The following OSER1 variants were observed in gnomAD, a reference collection of about 807,000 sequenced individuals.
OSER1 encodes the protein oxidative stress-responsive serine-rich protein 1.
OSER1 carries 15 observed loss-of-function variants against 26.3 expected under a neutral mutation model. The ratio of observed to expected loss-of-function variants is 0.57; its 90% CI spans 0.38 to 0.88. The LOEUF (loss-of-function observed/expected upper bound fraction) is 0.88. OSER1 is among the 40% of genes least tolerant of loss of function. The pLI, the probability that OSER1 is intolerant of heterozygous loss-of-function variation, is 0.00. For missense variants in OSER1, 313 were observed against 353.9 expected (o/e 0.88, Z 0.93); for synonymous variants, 127 against 128.2 (o/e 0.99, Z 0.07).
rs200126867 is a variant in OSER1, at chr20:44,202,382, AG to A, written c.191+578del. Among the ~76,000 whole-genome samples the A allele has an allele frequency of 1.4e-4, 22 of 152,200 alleles. No individual in the cohort carries two copies. The East Asian group carries it at 2.9e-3, about 20-fold the overall frequency. ...AGAGCAAGAACAAGATTCCATCTTAAGAAAAAAAAAAGAATAGAAAAAGACA... is the reference window on the plus strand; with the variant it reads ...AGAGCAAGAACAAGATTCCATCTTAAAAAAAAAAAAGAATAGAAAAAGACA... On this transcript the variant is annotated intron_variant, in intron 3 of 3. Transcript: ENST00000255174.
intron 2 of OSER1, among the ~76,000 whole-genome samples, chr20:44,205,254 T>C (rs997802099): frequency 6.6e-6 from 1 of 152,246 alleles, no homozygotes; most frequent in Non-Finnish European, 1.5e-5. Flanking sequence ...TACACATTCC[T>C]AGTATTTTCC....
At chr20:44,202,785 T>C (rs1378207414) in intron 3 of OSER1, among the ~76,000 whole-genome samples, 176 bp downstream of exon 3, 1 of 152,164 alleles carries the variant, frequency 6.6e-6, no homozygotes, top group Non-Finnish European at 1.5e-5. Context: ...AAATTGACTA[T>C]GGACCAGGCC....
rs920888214 is a variant in OSER1 at position 44,197,273 on chromosome 20, G to A, written c.658C>T (p.Leu220=). 2 of 1,613,908 alleles carry A rather than the reference G, an allele frequency of 1.2e-6. No homozygotes were observed. Among genetic ancestry groups the A allele is most frequent in the African/African-American group, 2.7e-5 (2 of 74,930 alleles). ...GGAGCCAAGGGAGGGACACTCTGCA[G>A]GCCTGAAAAGGAATACACTTCCATA... is the stretch of plus-strand genomic sequence containing the variant. ...HDMEVYSFSG[L]QSVPPLAPER... The change falls in exon 4 of 4, where the codon CTG becomes TTG. Residue 220 remains leucine, a synonymous_variant. Transcript: ENST00000255174.
intron 1 of OSER1, among the ~76,000 whole-genome samples, chr20:44,210,347 G>A (rs539999059): frequency 1.3e-5 from 2 of 152,210 alleles, no homozygotes; most frequent in Non-Finnish European, 2.9e-5. Flanking sequence ...AAGAGAATGG[G>A]GCTCCGAGGC....
chr20:44,196,875 CAA>C lies in OSER1; in HGVS notation c.*175_*176del. The C allele has an allele frequency of 1.7e-6, 1 of 579,596 alleles. No homozygotes were observed. The highest frequency in any genetic ancestry group is 3.1e-6 in the Non-Finnish European group (1 of 323,828). 35.9% of individuals were successfully genotyped at this position (579,596 alleles called of 1,614,324 possible). A position where few individuals can be genotyped will look rare whatever the true frequency, so the allele number is the denominator to read the frequency against. On this transcript the variant is annotated 3_prime_UTR_variant, in exon 4 of 4. Coordinates refer to ENST00000255174, the MANE Select transcript of OSER1 (RefSeq NM_016470.8). ...TCGCCTTGAAGTGTATGTAAGAACT[CAA>C]GAGAGTAAGTTGAAAGAATGAAGAT...
At chr20:44,203,369 G>A (rs2073003236) in intron 2 of OSER1, among the ~76,000 whole-genome samples, 1 of 152,168 alleles carries the variant, frequency 6.6e-6, no homozygotes, top group Non-Finnish European at 1.5e-5. Flanking sequence ...TATGGCCAGA[G>A]AATGCTAATG....
intron 3 of OSER1, among the ~76,000 whole-genome samples, chr20:44,199,318 A>G (rs925785830): frequency 6.6e-6 from 1 of 152,208 alleles, no homozygotes; most frequent in African/African-American, 2.4e-5. Flanking sequence ...TAGTTATCAC[A>G]AGAACGGCTC....
intron 3 of OSER1, among the ~76,000 whole-genome samples, chr20:44,199,350 T>A (rs2072957368): frequency 6.6e-6 from 1 of 152,198 alleles, no homozygotes; most frequent in Non-Finnish European, 1.5e-5. Context: ...CCGGTTTGGC[T>A]ACTTCTCACG....
chr20:44,210,451 G>A (rs923235873), intron 1 of OSER1, among the ~76,000 whole-genome samples: 6 of 152,366 alleles, frequency 3.9e-5, no homozygotes, highest in Admixed American at 3.3e-4. Flanking sequence ...AGCGAGACGG[G>A]GCGGGGGACC....
rs537710278 is a variant in OSER1 at position 44,197,264 on chromosome 20, C to T, written c.667G>A (p.Val223Ile). 4 of 1,613,246 alleles carry T rather than the reference C, an allele frequency of 2.5e-6. No individual in the cohort carries two copies. In the South Asian group the frequency reaches 3.3e-5, roughly 13 times the overall value. Residue 223 changes from valine (V) to isoleucine (I), a missense_variant, in exon 4 of 4, where the codon GTC (valine) becomes ATC (isoleucine). Physicochemically the swap from Val to Ile is conservative, Grantham distance 29 (BLOSUM62 3). Transcript: ENST00000255174. ...EVYSFSGLQS[V>I]PPLAPERRST... ...CTTCGTTCTGGAGCCAAGGGAGGGA[C>T]ACTCTGCAGGCCTGAAAAGGAATAC... is the stretch of plus-strand genomic sequence containing the variant.
At chr20:44,200,121 C>T (rs2072965286) in intron 3 of OSER1, among the ~76,000 whole-genome samples, 1 of 152,210 alleles carries the variant, frequency 6.6e-6, no homozygotes, top group South Asian at 2.1e-4. Flanking sequence ...GCACCACTGT[C>T]CAGCGCCCGC....
intron 1 of OSER1, chr20:44,207,359 A>G (rs1384410722): frequency 6.1e-6 from 1 of 162,644 alleles, no homozygotes; most frequent in African/African-American, 2.4e-5. Context: ...GGGAATAGCT[A>G]AAATTATAGC....
chr20:44,202,095 G>T (rs1306632277), intron 3 of OSER1, among the ~76,000 whole-genome samples: 1 of 152,208 alleles, frequency 6.6e-6, no homozygotes, highest in African/African-American at 2.4e-5. Context: ...AGACTAGTAG[G>T]CTGGGTGTGG....
Position 44,197,049 on chromosome 20 carries a change from C to A in OSER1, c.*3G>T. The A allele has an allele frequency of 2.5e-6, 4 of 1,592,444 alleles. No homozygotes were observed. The highest frequency in any genetic ancestry group is 3.4e-6 in the Non-Finnish European group (4 of 1,161,024). Reference sequence around the variant, plus strand: ...TTAAAGCATATGAATTAGCTTCTTGCTATCAGGTGTACATCATTTCTGCCA... The same window carrying A: ...TTAAAGCATATGAATTAGCTTCTTGATATCAGGTGTACATCATTTCTGCCA... On this transcript the variant is annotated 3_prime_UTR_variant, in exon 4 of 4. Coordinates refer to ENST00000255174, the MANE Select transcript of OSER1 (RefSeq NM_016470.8).
chr20:44,208,698 T>C (rs1376399687), intron 1 of OSER1, among the ~76,000 whole-genome samples: 10 of 152,216 alleles, frequency 6.6e-5, no homozygotes, highest in Non-Finnish European at 1.0e-4. Context: ...AAGAGTACTA[T>C]TGCAGGTTGT....
At chr20:44,203,933 T>C (rs2073013479) in intron 2 of OSER1, among the ~76,000 whole-genome samples, 1 of 152,124 alleles carries the variant, frequency 6.6e-6, no homozygotes, top group Admixed American at 6.6e-5. Context: ...TTATTAGAAA[T>C]TAAGTGTACA....
chr20:44,208,799 C>A (rs1282230455), intron 1 of OSER1, among the ~76,000 whole-genome samples: 1 of 152,182 alleles, frequency 6.6e-6, no homozygotes, highest in African/African-American at 2.4e-5. Context: ...ATGTTCAGCT[C>A]TTACCGAGTT....
In OSER1 at chr20:44,196,125, AT is replaced by A. The variant is rs991678555; in HGVS notation, c.*926del. 6.0e-5 allele frequency among the ~76,000 whole-genome samples: 9 copies of A among 149,772 alleles called. No individual in the cohort carries two copies. Among genetic ancestry groups the A allele is most frequent in the African/African-American group, 1.2e-4 (5 of 40,844 alleles). On this transcript the variant is annotated 3_prime_UTR_variant, in exon 4 of 4. Coordinates refer to ENST00000255174, the MANE Select transcript of OSER1 (RefSeq NM_016470.8). ...ATCATCCAGCTGAAACCGAAGACAG[AT>A]TTTTTTTTTACCAAACTGGAGGGAA...
Position 44,197,504 on chromosome 20 carries a change from T to C in OSER1, c.427A>G (p.Thr143Ala). The C allele has an allele frequency of 6.2e-7, 1 of 1,614,168 alleles. No homozygotes were observed. Among genetic ancestry groups the C allele is most frequent in the South Asian group, 1.1e-5 (1 of 91,088 alleles). The part of the protein sequence containing the change: ...ESSTSLDANH[T>A]GAVVEPLRTS... ...CTCAAAGGCTCAACGACTGCCCCTG[T>C]GTGATTAGCATCGAGAGAAGTAGAG... The change falls in exon 4 of 4, where the codon ACA (threonine) becomes GCA (alanine). Residue 143 changes from threonine (T) to alanine (A), a missense_variant. Physicochemically the swap from Thr to Ala is moderately conservative, Grantham distance 58. Coordinates refer to ENST00000255174, the MANE Select transcript of OSER1 (RefSeq NM_016470.8).
Sources: allele counts gnomAD v4.1 joint callset (sites outside exome capture counted in the v4.1 genomes callset), GRCh38; gene constraint gnomAD v4.1.1; transcripts MANE v1.5; gene names NCBI Gene and HGNC (gene_info 2026-07-23, HGNC 2026-07-21).